ARHGAP24: variants seen among roughly 807,000 people sequenced by gnomAD.
ARHGAP24 encodes the protein rho GTPase-activating protein 24.
In ARHGAP24, 50 loss-of-function variants were observed where a neutral mutation model predicts 76.4. The observed-to-expected ratio is 0.65, with a 90% CI of 0.52 to 0.83. The LOEUF is 0.83. Ranked by LOEUF, ARHGAP24 falls within the 40% of genes least tolerant of loss-of-function variation. The pLI, the probability that ARHGAP24 is intolerant of heterozygous loss-of-function variation, is 0.00. For missense variants in ARHGAP24, 930 were observed against 914.2 expected, an observed-to-expected ratio of 1.02 and a Z score of -0.22; for synonymous variants, 345 against 323.3, an observed-to-expected ratio of 1.07 and a Z score of -0.72.
intron 8 of ARHGAP24, chr4:85,992,074 C>T (rs1483855133): frequency 5.0e-6 from 2 of 397,022 alleles, no homozygotes; most frequent in African/African-American, 2.1e-5. Flanking sequence ...CACAGTGGAA[C>T]TCCAGAATCT....
At chr4:85,785,428 A>G (rs967054659) in intron 3 of ARHGAP24, among the ~76,000 whole-genome samples, 1 of 152,176 alleles carries the variant, frequency 6.6e-6, no homozygotes, top group African/African-American at 2.4e-5. Flanking sequence ...GCAAGTGAGT[A>G]TTATATTTTA....
chr4:85,526,259 G>A (rs1724987696), intron 1 of ARHGAP24, among the ~76,000 whole-genome samples: 1 of 151,844 alleles, frequency 6.6e-6, no homozygotes, highest in South Asian at 2.1e-4. Context: ...AAATTAGCTG[G>A]GCGTGGTAGT....
At chr4:85,511,972 T>A (rs1724305256) in intron 1 of ARHGAP24, among the ~76,000 whole-genome samples, 1 of 152,240 alleles carries the variant, frequency 6.6e-6, no homozygotes, top group East Asian at 1.9e-4. Flanking sequence ...CTCACTGTCA[T>A]CACCCAGCCT....
intron 3 of ARHGAP24, among the ~76,000 whole-genome samples, chr4:85,860,823 G>T (rs1218555291): frequency 6.6e-6 from 1 of 151,888 alleles, no homozygotes; most frequent in Non-Finnish European, 1.5e-5. Context: ...TGAGCAGGTT[G>T]TTTATTAATA....
At chr4:85,511,846 G>A (rs1011659001) in intron 1 of ARHGAP24, among the ~76,000 whole-genome samples, 2 of 152,172 alleles carry the variant, frequency 1.3e-5, no homozygotes, top group African/African-American at 2.4e-5. Context: ...TGAAGCCTGT[G>A]GGGGAATCCT....
At chr4:85,985,875 C>T (rs1184811291) in intron 8 of ARHGAP24, among the ~76,000 whole-genome samples, 1 of 152,198 alleles carries the variant, frequency 6.6e-6, no homozygotes, top group East Asian at 1.9e-4. Context: ...CAGCATTAGC[C>T]TGATCTGAGT....
intron 3 of ARHGAP24, among the ~76,000 whole-genome samples, chr4:85,898,515 T>C (rs896118430): frequency 6.6e-6 from 1 of 152,188 alleles, no homozygotes; most frequent in African/African-American, 2.4e-5. Context: ...CTAGGATACA[T>C]TTATTTTAAG....
At chr4:85,837,688 A>G (rs1009937325) in intron 3 of ARHGAP24, among the ~76,000 whole-genome samples, 10 of 152,110 alleles carry the variant, frequency 6.6e-5, no homozygotes, top group African/African-American at 2.2e-4. Flanking sequence ...CAGAAGTAAA[A>G]TATGCTCAGG....
intron 3 of ARHGAP24, among the ~76,000 whole-genome samples, chr4:85,915,367 A>C (rs1328505243): frequency 2.0e-5 from 3 of 152,220 alleles, no homozygotes; most frequent in Non-Finnish European, 4.4e-5. Context: ...TTTTTTAAAA[A>C]CATGACCAAA....
At chr4:85,696,393 G>C (rs1476380820) in intron 2 of ARHGAP24, among the ~76,000 whole-genome samples, 4 of 151,878 alleles carry the variant, frequency 2.6e-5, no homozygotes, top group Non-Finnish European at 5.9e-5. Flanking sequence ...TTGGTAACTT[G>C]AATAATGGGA....
intron 2 of ARHGAP24, among the ~76,000 whole-genome samples, chr4:85,622,585 G>C: frequency 6.6e-6 from 1 of 152,110 alleles, no homozygotes; most frequent in East Asian, 1.9e-4. Flanking sequence ...ATAGCAGCAT[G>C]ATTTATAGTC....
intron 7 of ARHGAP24, 139 bp from the exon 8 acceptor site, chr4:85,977,431 T>C: frequency 1.0e-6 from 1 of 953,924 alleles, no homozygotes; most frequent in Non-Finnish European, 1.6e-6. Context: ...GAGTGAGAGA[T>C]GGGTGAACAT....
At chr4:85,523,686 T>C (rs1234923633) in intron 1 of ARHGAP24, among the ~76,000 whole-genome samples, 1 of 152,192 alleles carries the variant, frequency 6.6e-6, no homozygotes, top group East Asian at 1.9e-4. Context: ...CAGGAACATG[T>C]TAAATTTCTA....
At chr4:85,698,668 C>T (rs774276342) in intron 2 of ARHGAP24, among the ~76,000 whole-genome samples, 2 of 152,262 alleles carry the variant, frequency 1.3e-5, no homozygotes, top group East Asian at 1.9e-4. Flanking sequence ...GAAACCAGGG[C>T]GCCAACATGG....
chr4:85,942,089 G>C lies in ARHGAP24; in HGVS notation c.415G>C (p.Asp139His). 1.2e-6 allele frequency: 2 copies of C among 1,613,758 alleles called. No individual in the cohort carries two copies. Among genetic ancestry groups the C allele is most frequent in the Non-Finnish European group, 8.5e-7 (1 of 1,179,970 alleles). The change falls in exon 5 of 10, where the codon GAT (aspartate) becomes CAT (histidine). Residue 139 changes from aspartate to histidine, a missense_variant. Physicochemically the swap from Asp to His is moderately conservative, Grantham distance 81. Coordinates refer to ENST00000395184, the MANE Select transcript of ARHGAP24 (RefSeq NM_001025616.3). ...AGGCATTTTTGGACAGAAACTGGAG[G>C]ATACTGTTCGTTATGAGAAGAGATA... ...GGGIFGQKLE[D>H]TVRYEKRYGN...
chr4:85,592,779 A>G (rs542214250), intron 2 of ARHGAP24, among the ~76,000 whole-genome samples: 1 of 152,176 alleles, frequency 6.6e-6, no homozygotes, highest in Non-Finnish European at 1.5e-5. Context: ...ACTTAACATA[A>G]TGAACTCCAG....
At chr4:85,716,146 T>G (rs1708773029) in intron 2 of ARHGAP24, among the ~76,000 whole-genome samples, 1 of 152,048 alleles carries the variant, frequency 6.6e-6, no homozygotes, top group Non-Finnish European at 1.5e-5. Flanking sequence ...ATGCATGTTT[T>G]TTTTCCAATC....
intron 3 of ARHGAP24, among the ~76,000 whole-genome samples, chr4:85,743,741 C>A (rs973914650): frequency 6.6e-6 from 1 of 152,054 alleles, no homozygotes; most frequent in Non-Finnish European, 1.5e-5. Flanking sequence ...AAGAGTGCAA[C>A]GACTCTATGT....
At chr4:85,481,057 A>G (rs192500205) in intron 1 of ARHGAP24, among the ~76,000 whole-genome samples, 1 of 152,258 alleles carries the variant, frequency 6.6e-6, no homozygotes, top group Admixed American at 6.5e-5. Flanking sequence ...CTTGAATCTA[A>G]GACTCTCATA....
Sources: allele counts gnomAD v4.1 joint callset (sites outside exome capture counted in the v4.1 genomes callset), GRCh38; gene constraint gnomAD v4.1.1; transcripts MANE v1.5; gene names NCBI Gene and HGNC (gene_info 2026-07-23, HGNC 2026-07-21).